Variants in FOXK1 observed in about 807,000 individuals in gnomAD.
FOXK1 encodes the protein forkhead box protein K1.
A neutral mutation model predicts 51.9 loss-of-function variants in FOXK1; 19 were observed. The observed-to-expected ratio is 0.37, with a 90% CI of 0.26 to 0.54. The LOEUF (loss-of-function observed/expected upper bound fraction) is 0.54, where lower values mean the gene tolerates loss of function less well. Among genes scored for constraint, FOXK1 ranks in the 20% least tolerant of loss-of-function variants. The probability of loss-of-function intolerance (pLI) is 0.87; values close to 1 mark genes in which losing one functional copy is unlikely to be tolerated. For missense variants in FOXK1, 870 were observed against 1,032.7 expected (o/e 0.84, Z 2.16); for synonymous variants, 537 against 482.6 (o/e 1.11, Z -1.48).
At position 4,754,820 on chromosome 7, in the gene FOXK1, G is replaced by A. The variant is rs1280055842; in HGVS notation, c.903+205G>A. On this transcript the variant is annotated intron_variant, in intron 3 of 8. Coordinates refer to ENST00000328914, the MANE Select transcript of FOXK1 (RefSeq NM_001037165.2). ...AAATCATCCCCGTTGGTCATTTGCTGGTGACAGGGGTGGCGCCGTCACCGA... is the reference window on the plus strand; with the variant it reads ...AAATCATCCCCGTTGGTCATTTGCTAGTGACAGGGGTGGCGCCGTCACCGA... The A allele has an allele frequency of 7.3e-6, 5 of 684,358 alleles. No individual in the cohort carries two copies. The African/African-American group carries it at 9.0e-5, about 12-fold the overall frequency. 42.4% of individuals were successfully genotyped at this position (684,358 alleles called of 1,614,324 possible).
At chr7:4,739,299 C>T (rs187419116) in intron 1 of FOXK1, among the ~76,000 whole-genome samples, 1 of 152,356 alleles carries the variant, frequency 6.6e-6, no homozygotes, top group African/African-American at 2.4e-5. Flanking sequence ...TACATTCTTT[C>T]TTAACCCCCT....
At chr7:4,757,476 C>G (rs2115073353) in intron 5 of FOXK1, among the ~76,000 whole-genome samples, 1 of 151,286 alleles carries the variant, frequency 6.6e-6, no homozygotes, top group African/African-American at 2.4e-5. Context: ...TAAAAAAATT[C>G]AAAATTAGTC....
intron 2 of FOXK1, among the ~76,000 whole-genome samples, chr7:4,750,934 C>T (rs1300925281): frequency 6.6e-6 from 1 of 151,850 alleles, no homozygotes; most frequent in Admixed American, 6.6e-5. Context: ...GAACTCCTGA[C>T]CTTAGGTGAT....
At chr7:4,689,980 G>C (rs1053580101) in intron 1 of FOXK1, among the ~76,000 whole-genome samples, 1 of 152,204 alleles carries the variant, frequency 6.6e-6, no homozygotes, top group Non-Finnish European at 1.5e-5. Flanking sequence ...TCTTTCCAGC[G>C]AGTAGACGTG....
In FOXK1 at chr7:4,747,643, C is replaced by G. The variant is rs1005021715; in HGVS notation, c.746+6620C>G. The stretch of plus-strand genomic sequence containing the variant: ...CTCAACCTCCCGGGCTCAAGCGATC[C>G]TCCCACTGCAGCCTCCTGAGTAGCT... On this transcript the variant is annotated intron_variant, in intron 2 of 8. Transcript: ENST00000328914. The surrounding 1 kb of genome is among the most constrained non-coding windows in gnomAD (Gnocchi z 9.2). 6.6e-6 allele frequency among the ~76,000 whole-genome samples: 1 copy of G among 151,968 alleles called. No homozygotes were observed. The highest frequency in any genetic ancestry group is 2.4e-5 in the African/African-American group (1 of 41,342).
chr7:4,762,521 C>A lies in FOXK1; in HGVS notation c.*57C>A. 1 of 1,487,350 alleles carries A rather than the reference C, an allele frequency of 6.7e-7. No homozygotes were observed. The highest frequency in any genetic ancestry group is 1.3e-5 in the South Asian group (1 of 77,936). The allele number at this position is 1,487,350 out of a possible 1,614,324, so 92.1% of individuals were successfully genotyped here. A position where few individuals can be genotyped will look rare whatever the true frequency, so the allele number is the denominator to read the frequency against. On this transcript the variant is annotated 3_prime_UTR_variant, in exon 9 of 9. Transcript: ENST00000328914. The surrounding 1 kb of genome is among the most constrained non-coding windows in gnomAD (Gnocchi z 5.7). Reference sequence around the variant, plus strand: ...CCCAGCGGCGACCCCGAAGCTGGACCCGGCAGCTCAGGCGGCCGCACCCAC... The same window carrying A: ...CCCAGCGGCGACCCCGAAGCTGGACACGGCAGCTCAGGCGGCCGCACCCAC...
intron 5 of FOXK1, among the ~76,000 whole-genome samples, chr7:4,757,652 A>AG (rs1780873252): frequency 6.6e-6 from 1 of 150,864 alleles, no homozygotes; most frequent in Non-Finnish European, 1.5e-5. Flanking sequence ...AAAAAAAAAA[A>AG]AAAAAAAAAA....
Position 4,740,942 on chromosome 7 carries a change from T to C in FOXK1, c.665T>C (p.Ile222Thr), listed in dbSNP as rs1780626186. The C allele has an allele frequency of 6.3e-7, 1 of 1,578,024 alleles. No homozygotes were observed. The highest frequency in any genetic ancestry group is 8.6e-7 in the Non-Finnish European group (1 of 1,164,900). The change falls in exon 2 of 9, where the codon ATC (isoleucine) becomes ACC (threonine). Residue 222 changes from isoleucine to threonine, a missense_variant. Ile to Thr is a moderately conservative substitution (Grantham distance 89, BLOSUM62 -1). This residue lies in a region of FOXK1 where 399 missense variants were observed against 475.6 expected (regional missense o/e 0.84). Transcript: ENST00000328914. Reference protein sequence around the residue: ...ASPLRPLYPQISPLKIHIPEP... With the variant: ...ASPLRPLYPQTSPLKIHIPEP... ...CCGCTGCGGCCACTGTACCCCCAGATCTCCCCTCTGAAGATCCACATCCCG... is the reference window on the plus strand; with the variant it reads ...CCGCTGCGGCCACTGTACCCCCAGACCTCCCCTCTGAAGATCCACATCCCG...
intron 1 of FOXK1, among the ~76,000 whole-genome samples, chr7:4,695,681 A>T (rs1465734640): frequency 6.6e-6 from 1 of 152,108 alleles, no homozygotes; most frequent in Non-Finnish European, 1.5e-5. Context: ...TCACGCCTGT[A>T]ATCCCAGCAC....
chr7:4,715,620 C>T lies in FOXK1; in HGVS notation c.561-25218C>T, dbSNP rs1357614887. Among the ~76,000 whole-genome samples the T allele has an allele frequency of 1.3e-5, 2 of 152,206 alleles. No homozygotes were observed. The highest frequency in any genetic ancestry group is 2.9e-5 in the Non-Finnish European group (2 of 68,048). On this transcript the variant is annotated intron_variant, in intron 1 of 8. Transcript: ENST00000328914. The surrounding 1 kb of genome is among the most constrained non-coding windows in gnomAD (Gnocchi z 4.5). ...TGCTCTGGTGTTGTGAAATACGGAACTTGGCGAGTTCTTGCGGCCATCCCT... is the reference window on the plus strand; with the variant it reads ...TGCTCTGGTGTTGTGAAATACGGAATTTGGCGAGTTCTTGCGGCCATCCCT...
intron 1 of FOXK1, among the ~76,000 whole-genome samples, chr7:4,702,108 C>G (rs549851257): frequency 2.6e-5 from 4 of 152,136 alleles, no homozygotes; most frequent in East Asian, 1.9e-4. Context: ...ACAACAAAAC[C>G]AAATCGTATT....
Position 4,747,371 on chromosome 7 carries a change from C to G in FOXK1, c.746+6348C>G, listed in dbSNP as rs1780718024. 6.6e-6 allele frequency among the ~76,000 whole-genome samples: 1 copy of G among 152,358 alleles called. No individual in the cohort carries two copies. The highest frequency in any genetic ancestry group is 6.5e-5 in the Admixed American group (1 of 15,310). On this transcript the variant is annotated intron_variant, in intron 2 of 8. Transcript: ENST00000328914. The surrounding 1 kb of genome is among the most constrained non-coding windows in gnomAD (Gnocchi z 9.2). ...CCGCCTCTCCGCTCAAGCACCCACT[C>G]AGCTCTGTGAGGTCTATGCCTAACA...
At chr7:4,701,220 A>C (rs1780017559) in intron 1 of FOXK1, among the ~76,000 whole-genome samples, 1 of 152,228 alleles carries the variant, frequency 6.6e-6, no homozygotes. Context: ...TGTTTTTCTG[A>C]GCTGCTTATC....
chr7:4,733,594 T>C lies in FOXK1; in HGVS notation c.561-7244T>C, dbSNP rs1476579535. ...CAGAGAAACATGGTCTTCAGTTGGG[T>C]GGACGTTTCTCTGTCTCCATGTTTG... On this transcript the variant is annotated intron_variant, in intron 1 of 8. Transcript: ENST00000328914. The surrounding 1 kb of genome is among the most constrained non-coding windows in gnomAD (Gnocchi z 5.0). Among the ~76,000 whole-genome samples the C allele has an allele frequency of 6.6e-6, 1 of 152,320 alleles. No individual in the cohort carries two copies. The highest frequency in any genetic ancestry group is 1.9e-4 in the East Asian group (1 of 5,176).
intron 1 of FOXK1, among the ~76,000 whole-genome samples, chr7:4,705,530 T>TCG (rs1780073714): frequency 6.9e-6 from 1 of 144,724 alleles, no homozygotes; most frequent in Non-Finnish European, 1.5e-5. Flanking sequence ...TCTCTCTCTC[T>TCG]CTCTCTCTCT....
chr7:4,682,460 GGCCGCC>G lies in FOXK1; in HGVS notation c.165_170del (p.Pro58_Pro59del). On this transcript the variant is annotated inframe_deletion, in exon 1 of 9. Transcript: ENST00000328914. The surrounding 1 kb of genome is among the most constrained non-coding windows in gnomAD (Gnocchi z 7.6). ...CCCGCGCAGCCCCAGCCTCCGCCCGGGCCGCCGCCGCCGCCGCCACCGCCGCTGCCT... is the reference window on the plus strand; with the variant it reads ...CCCGCGCAGCCCCAGCCTCCGCCCGGGCCGCCGCCGCCACCGCCGCTGCCT... The G allele has an allele frequency of 6.1e-6, 6 of 982,650 alleles. No homozygotes were observed. The highest frequency in any genetic ancestry group is 7.2e-6 in the Non-Finnish European group (6 of 830,182). 60.9% of individuals were successfully genotyped at this position (982,650 alleles called of 1,614,324 possible).
intron 6 of FOXK1, 34 bp downstream of exon 6, chr7:4,759,251 C>A: frequency 1.4e-6 from 1 of 714,894 alleles, no homozygotes; most frequent in South Asian, 1.3e-5. Context: ...CGGGGCGGGG[C>A]GGGGCGGGAC....
rs1422262561 is a variant in FOXK1 at position 4,769,755 on chromosome 7, T to G, written c.*7291T>G. ...CGCGCCTGGCCTCTGTCACTTTTTT[T>G]GCTCCTTACCCAGTTTTTGTTTTTT... On this transcript the variant is annotated 3_prime_UTR_variant, in exon 9 of 9. Coordinates refer to ENST00000328914, the MANE Select transcript of FOXK1 (RefSeq NM_001037165.2). This position sits in a 1 kb window ranked among gnomAD's most constrained non-coding sequence, Gnocchi z 4.1. 1 of 152,292 alleles carries G rather than the reference T, an allele frequency of 6.6e-6. No homozygotes were observed. The highest frequency in any genetic ancestry group is 1.5e-5 in the Non-Finnish European group (1 of 68,088). 9.4% of individuals were successfully genotyped at this position (152,292 alleles called of 1,614,324 possible).
intron 5 of FOXK1, among the ~76,000 whole-genome samples, 188 bp downstream of exon 5, chr7:4,757,375 C>T: frequency 6.6e-6 from 1 of 152,116 alleles, no homozygotes; most frequent in East Asian, 1.9e-4. Flanking sequence ...CGCCTGTAAT[C>T]CCAGCACTCT....
Sources: gnomAD v4.1 joint callset for allele counts (sites outside exome capture counted in the v4.1 genomes callset) on GRCh38, gnomAD v4.1.1 for gene constraint, gnomAD v4.1.1 regional missense constraint, Gnocchi (gnomAD v3.1) non-coding constraint, MANE v1.5 for transcripts, NCBI Gene and HGNC (gene_info 2026-07-23, HGNC 2026-07-21) for gene names.